Variants in HNF4A observed in about 807,000 individuals in gnomAD.
The protein encoded by HNF4A is hepatocyte nuclear factor 4-alpha.
HNF4A carries 15 observed loss-of-function variants against 52.4 expected under a neutral mutation model. The observed-to-expected ratio is 0.29, with a 90% confidence interval of 0.19 to 0.44. HNF4A has a LOEUF of 0.44. Among genes scored for constraint, HNF4A ranks in the 20% least tolerant of loss-of-function variants. The pLI is 1.00. For missense variants in HNF4A, 479 were observed against 647.2 expected, an observed-to-expected ratio of 0.74 and a Z score of 2.82; for synonymous variants, 280 against 264.4, an observed-to-expected ratio of 1.06 and a Z score of -0.57.
intron 3 of HNF4A, among the ~76,000 whole-genome samples, chr20:44,408,661 C>T (rs1237088219): frequency 2.6e-5 from 4 of 152,034 alleles, no homozygotes; most frequent in Non-Finnish European, 5.9e-5. Context: ...CAAGAGGAGG[C>T]GGTTGCAGTG....
intron 3 of HNF4A, among the ~76,000 whole-genome samples, chr20:44,412,508 G>A (rs1317420744): frequency 6.6e-6 from 1 of 152,128 alleles, no homozygotes; most frequent in African/African-American, 2.4e-5. Flanking sequence ...GTGTGTAGGG[G>A]GAAGCCGGTA....
At position 44,407,458 on chromosome 20, in the gene HNF4A, C is replaced by T. The variant is rs1385303123; in HGVS notation, c.368C>T (p.Ala123Val). ...TGCAGGCTCAAGAAATGCTTCCGGG[C>T]TGGCATGAAGAAGGAAGGTGAGCCT... Residue 123 changes from alanine to valine, a missense_variant, in exon 3 of 10, where the codon GCT becomes GTT. Coordinates refer to ENST00000316099, the MANE Select transcript of HNF4A (RefSeq NM_000457.6). 1 of 1,603,566 alleles carries T rather than the reference C, an allele frequency of 6.2e-7. No individual in the cohort carries two copies. The highest frequency in any genetic ancestry group is 2.2e-5 in the East Asian group (1 of 44,494).
At chr20:44,356,908 C>T (rs2062865038) in intron 1 of HNF4A, among the ~76,000 whole-genome samples, 2 of 152,152 alleles carry the variant, frequency 1.3e-5, no homozygotes, top group South Asian at 2.1e-4. Context: ...CTCTGTCACA[C>T]GGCTCAACAT....
chr20:44,372,156 T>C (rs1449745381), intron 1 of HNF4A, among the ~76,000 whole-genome samples: 2 of 152,348 alleles, frequency 1.3e-5, no homozygotes, highest in East Asian at 3.9e-4. Context: ...AGTTCATTTA[T>C]TTGCACGAGC....
intron 1 of HNF4A, chr20:44,402,601 T>C (rs751311624): frequency 5.1e-6 from 7 of 1,365,856 alleles, no homozygotes; most frequent in African/African-American, 1.5e-5. Flanking sequence ...CCCTCCGACA[T>C]CACTGGAGCA....
chr20:44,385,423 A>G (rs1262592459), intron 1 of HNF4A, among the ~76,000 whole-genome samples: 2 of 151,918 alleles, frequency 1.3e-5, no homozygotes, highest in Non-Finnish European at 2.9e-5. Context: ...ACAAGCCTGG[A>G]CAACATAGCA....
At chr20:44,415,191 T>C (rs1198807460) in intron 5 of HNF4A, among the ~76,000 whole-genome samples, 2 of 152,146 alleles carry the variant, frequency 1.3e-5, no homozygotes, top group Non-Finnish European at 2.9e-5. Flanking sequence ...ATATCCACTT[T>C]AGAGTGTGGT....
rs1182053006 is a variant in HNF4A at position 44,384,099 on chromosome 20, C to T, written c.50-21959C>T. On this transcript the variant is annotated intron_variant, in intron 1 of 9. Coordinates refer to the HNF4A transcript ENST00000316673. The stretch of plus-strand genomic sequence containing the variant: ...CTCCTGACCTCAGGTGATCTTCCCA[C>T]CTCGGCCTCCCAAATTCCTGGGATT... Among the ~76,000 whole-genome samples, 3 of 151,664 alleles carry T rather than the reference C, an allele frequency of 2.0e-5. No individual in the cohort carries two copies. The East Asian group carries it at 5.8e-4, about 29-fold the overall frequency.
chr20:44,423,993 C>T, intron 7 of HNF4A, 25 bp from the exon 8 acceptor site: 1 of 1,611,154 alleles, frequency 6.2e-7, no homozygotes, highest in Non-Finnish European at 8.5e-7. Context: ...TGCTGCCCTC[C>T]CTTGCCCACC....
upstream of HNF4A, among the ~76,000 whole-genome samples, chr20:44,399,608 G>C (rs1157472832): frequency 6.6e-6 from 1 of 152,096 alleles, no homozygotes; most frequent in Non-Finnish European, 1.5e-5. Flanking sequence ...CTCCCGATTT[G>C]CTCACTCATT....
chr20:44,402,662 G>T, intron 1 of HNF4A: 6 of 1,326,424 alleles, frequency 4.5e-6, no homozygotes, highest in Non-Finnish European at 6.0e-6. Flanking sequence ...AAAAGAGGAG[G>T]CCCGGAAACC....
chr20:44,407,327 C>T, intron 2 of HNF4A, 54 bp from the exon 3 acceptor site: 2 of 1,345,534 alleles, frequency 1.5e-6, no homozygotes, highest in African/African-American at 1.4e-5. Flanking sequence ...CTAGTTCTGT[C>T]CTAAGAGGAG....
At chr20:44,361,795 A>G (rs1345359755) in intron 1 of HNF4A, among the ~76,000 whole-genome samples, 1 of 152,228 alleles carries the variant, frequency 6.6e-6, no homozygotes, top group African/African-American at 2.4e-5. Flanking sequence ...GCAACCAAAG[A>G]CAGAGTGCCA....
At chr20:44,376,014 A>G (rs1174441239) in intron 1 of HNF4A, among the ~76,000 whole-genome samples, 2 of 152,200 alleles carry the variant, frequency 1.3e-5, no homozygotes, top group Non-Finnish European at 2.9e-5. Flanking sequence ...TGGGAGGTTG[A>G]GGCAGGCGGA....
chr20:44,424,294 A>G (rs956070245), intron 8 of HNF4A, 40 bp downstream of exon 8: 8 of 1,608,658 alleles, frequency 5.0e-6, no homozygotes, highest in Middle Eastern at 1.7e-4. Context: ...TGGAGTGGGG[A>G]CTCCCCAGGA....
chr20:44,373,399 C>T (rs1029191624), intron 1 of HNF4A, among the ~76,000 whole-genome samples: 1 of 152,132 alleles, frequency 6.6e-6, no homozygotes, highest in Non-Finnish European at 1.5e-5. Context: ...GTCTCAAACT[C>T]CTAGCCTGAA....
In HNF4A at chr20:44,424,129, G is replaced by T. The variant is rs777290134; in HGVS notation, c.1004G>T (p.Gly335Val). ...CAGTATGACTCGCGTGGCCGCTTTG[G>T]AGAGCTGCTGCTGCTGCTGCCCACC... The change falls in exon 8 of 10, where the codon GGA (glycine) becomes GTA (valine). Residue 335 changes from glycine (G) to valine (V), a missense_variant. Coordinates refer to ENST00000316099, the MANE Select transcript of HNF4A (RefSeq NM_000457.6). The T allele has an allele frequency of 6.2e-7, 1 of 1,613,622 alleles. No homozygotes were observed. Among genetic ancestry groups the T allele is most frequent in the Non-Finnish European group, 8.5e-7 (1 of 1,179,982 alleles).
At chr20:44,378,649 CT>C (rs1446472707) in intron 1 of HNF4A, among the ~76,000 whole-genome samples, 2 of 152,090 alleles carry the variant, frequency 1.3e-5, no homozygotes, top group Admixed American at 6.6e-5. Context: ...ATCACCTGAA[CT>C]TTTTTCATCT....
chr20:44,362,832 G>A (rs1032607042), intron 1 of HNF4A, among the ~76,000 whole-genome samples: 4 of 150,042 alleles, frequency 2.7e-5, no homozygotes, highest in African/African-American at 9.8e-5. Context: ...TTGAGTGAAT[G>A]ACTCAATTCT....
Sources: allele counts gnomAD v4.1 joint callset (sites outside exome capture counted in the v4.1 genomes callset), GRCh38; gene constraint gnomAD v4.1.1; transcripts MANE v1.5; gene names NCBI Gene and HGNC (gene_info 2026-07-23, HGNC 2026-07-21).